Variants in LY96 observed in about 807,000 individuals in gnomAD.
The protein encoded by LY96 is myeloid differentiation protein-2.
In LY96, 18 loss-of-function variants were observed where a neutral mutation model predicts 18.9. That is an observed-to-expected ratio of 0.95 (90% CI 0.66 to 1.41). LY96 has a LOEUF of 1.41. Ranked by LOEUF, LY96 falls within the 40% of genes most tolerant of loss-of-function variation. LY96 has a pLI of 0.00. For missense variants in LY96, 175 were observed against 182.4 expected (o/e 0.96, Z 0.23); for synonymous variants, 66 against 62.6 (o/e 1.06, Z -0.26).
intron 1 of LY96, among the ~76,000 whole-genome samples, chr8:74,004,511 G>C (rs578202761): frequency 3.9e-5 from 6 of 152,134 alleles, no homozygotes; most frequent in Non-Finnish European, 7.4e-5. Context: ...GTTGAATCTG[G>C]TTTTGTGTTC....
At chr8:74,026,526 G>A (rs1325097489) in intron 3 of LY96, among the ~76,000 whole-genome samples, 1 of 152,152 alleles carries the variant, frequency 6.6e-6, no homozygotes, top group Non-Finnish European at 1.5e-5. Flanking sequence ...CTTGTTCATC[G>A]TTTATTCATT....
chr8:74,050,861 A>G, the LY96 span, among the ~76,000 whole-genome samples: 1 of 152,132 alleles, frequency 6.6e-6, no homozygotes, highest in Non-Finnish European at 1.5e-5. Context: ...CGTCTCTACT[A>G]AAAATACAAA....
At chr8:74,027,210 G>T (rs1410538688) in intron 4 of LY96, among the ~76,000 whole-genome samples, 1 of 151,960 alleles carries the variant, frequency 6.6e-6, no homozygotes. Flanking sequence ...AAAGTGCTGG[G>T]ATTACAAGTA....
At chr8:74,067,195 T>C in the LY96 span, among the ~76,000 whole-genome samples, 7,114 of 152,252 alleles carry the variant, frequency 0.047, 419 homozygotes, top group African/African-American at 0.13. Flanking sequence ...CCTTCTTAAC[T>C]TCCCGGCTTT....
chr8:74,025,735 C>G (rs534367194), intron 3 of LY96, among the ~76,000 whole-genome samples: 2 of 146,738 alleles, frequency 1.4e-5, no homozygotes, highest in South Asian at 4.4e-4. Flanking sequence ...CAGCTGGGCG[C>G]AGTGGCTCAT....
At chr8:74,065,357 A>G in the LY96 span, among the ~76,000 whole-genome samples, 2 of 152,166 alleles carry the variant, frequency 1.3e-5, no homozygotes, top group Non-Finnish European at 2.9e-5. Context: ...TAAATATTTT[A>G]TAGAGTTTGG....
the LY96 span, among the ~76,000 whole-genome samples, chr8:74,097,324 C>T: frequency 6.6e-6 from 1 of 152,148 alleles, no homozygotes; most frequent in African/African-American, 2.4e-5. Flanking sequence ...TTTCCTGTGC[C>T]TTACTTTCCT....
At chr8:74,040,664 G>C in the LY96 span, among the ~76,000 whole-genome samples, 71 of 150,202 alleles carry the variant, frequency 4.7e-4, no homozygotes, top group Admixed American at 8.0e-4. Context: ...TTTATTTCTG[G>C]GTTCTCTATT....
the LY96 span, among the ~76,000 whole-genome samples, chr8:74,082,393 A>G: frequency 9.2e-5 from 14 of 152,194 alleles, no homozygotes; most frequent in Non-Finnish European, 1.5e-4. Flanking sequence ...GGTCATGTCC[A>G]CGTAAAGGCT....
chr8:74,073,551 G>C, the LY96 span, among the ~76,000 whole-genome samples: 1 of 152,168 alleles, frequency 6.6e-6, no homozygotes, highest in Non-Finnish European at 1.5e-5. Context: ...TCAAGTGTAG[G>C]TTTACAGTTC....
chr8:74,084,999 C>G, the LY96 span, among the ~76,000 whole-genome samples: 2 of 152,182 alleles, frequency 1.3e-5, no homozygotes, highest in African/African-American at 2.4e-5. Context: ...TGACAAATAA[C>G]AGGTTACGGT....
chr8:74,006,310 G>T (rs1357750831), intron 2 of LY96, among the ~76,000 whole-genome samples: 1 of 152,026 alleles, frequency 6.6e-6, no homozygotes, highest in Non-Finnish European at 1.5e-5. Context: ...CCATTCTCCT[G>T]CCTCAGCCTC....
At chr8:74,010,407 C>T (rs1291764956) in intron 3 of LY96, among the ~76,000 whole-genome samples, 2 of 151,912 alleles carry the variant, frequency 1.3e-5, no homozygotes, top group Non-Finnish European at 2.9e-5. Context: ...CCTTTATGTT[C>T]CTCCTTGGAA....
At chr8:73,996,507 TC>T (rs1358437407) in intron 1 of LY96, among the ~76,000 whole-genome samples, 1 of 151,472 alleles carries the variant, frequency 6.6e-6, no homozygotes, top group Non-Finnish European at 1.5e-5. Context: ...CATTGCAACC[TC>T]CCAGGTTCAA....
intron 3 of LY96, among the ~76,000 whole-genome samples, chr8:74,024,656 G>A (rs1333062587): frequency 6.6e-6 from 1 of 152,088 alleles, no homozygotes; most frequent in African/African-American, 2.4e-5. Flanking sequence ...TACACACCAA[G>A]TAGAGGAGCT....
the LY96 span, among the ~76,000 whole-genome samples, chr8:74,071,334 C>T: frequency 6.6e-5 from 10 of 150,700 alleles, no homozygotes; most frequent in African/African-American, 2.2e-4. Context: ...TTTGTAGAAT[C>T]AGAAAATAGT....
the LY96 span, among the ~76,000 whole-genome samples, chr8:74,060,812 T>C: frequency 6.6e-6 from 1 of 152,322 alleles, no homozygotes; most frequent in African/African-American, 2.4e-5. Flanking sequence ...AGTAAACTGA[T>C]CTATTTATTT....
chr8:74,035,664 G>A, the LY96 span, among the ~76,000 whole-genome samples: 1 of 152,098 alleles, frequency 6.6e-6, no homozygotes, highest in Non-Finnish European at 1.5e-5. Context: ...CAGCAACATA[G>A]ACCTTAAGTC....
the LY96 span, among the ~76,000 whole-genome samples, chr8:74,093,552 A>G: frequency 6.6e-6 from 1 of 152,254 alleles, no homozygotes; most frequent in African/African-American, 2.4e-5. Context: ...ACCACAGTGT[A>G]GAGTTCTTCA....
Sources: gnomAD v4.1 joint callset for allele counts (sites outside exome capture counted in the v4.1 genomes callset) on GRCh38, gnomAD v4.1.1 for gene constraint, MANE v1.5 for transcripts, NCBI Gene and HGNC (gene_info 2026-07-23, HGNC 2026-07-21) for gene names.